NRXN3: variants seen among roughly 807,000 people sequenced by gnomAD.
NRXN3 encodes neurexin III.
In NRXN3, 32 loss-of-function variants were observed where a neutral mutation model predicts 137.6. The ratio of observed to expected loss-of-function variants is 0.23; its 90% CI spans 0.18 to 0.31. NRXN3 has a LOEUF of 0.31. Among genes scored for constraint, NRXN3 ranks in the 10% least tolerant of loss-of-function variants. The pLI, the probability that NRXN3 is intolerant of heterozygous loss-of-function variation, is 1.00. For missense variants in NRXN3, 1,574 were observed against 2,062.5 expected, an observed-to-expected ratio of 0.76 and a Z score of 4.59; for synonymous variants, 798 against 784.5, an observed-to-expected ratio of 1.02 and a Z score of -0.29.
chr14:78,778,513 A>G (rs1361807420), intron 8 of NRXN3, among the ~76,000 whole-genome samples: 2 of 152,182 alleles, frequency 1.3e-5, no homozygotes, highest in Non-Finnish European at 2.9e-5. Flanking sequence ...CTTTCTTCCT[A>G]AAGCAGATCT....
chr14:79,668,168 A>G (rs886893612), intron 17 of NRXN3, among the ~76,000 whole-genome samples: 4 of 152,078 alleles, frequency 2.6e-5, no homozygotes, highest in African/African-American at 7.2e-5. Flanking sequence ...AGAACGTGAA[A>G]AAGAGGTAAA....
At chr14:79,321,633 A>T (rs1253043962) in intron 15 of NRXN3, among the ~76,000 whole-genome samples, 3 of 151,786 alleles carry the variant, frequency 2.0e-5, no homozygotes, top group East Asian at 1.9e-4. Flanking sequence ...TTATATGTAA[A>T]TTATACATAC....
At chr14:78,419,706 T>C (rs2093338749) in intron 4 of NRXN3, among the ~76,000 whole-genome samples, 2 of 152,026 alleles carry the variant, frequency 1.3e-5, no homozygotes, top group Admixed American at 6.6e-5. Flanking sequence ...TGAAAAACAG[T>C]AGTGGTAATG....
chr14:79,259,581 CTATATATAGAGTTATATA>C lies in NRXN3; in HGVS notation c.3263-207633_3263-207616del, dbSNP rs2077264290. On this transcript the variant is annotated intron_variant, in intron 15 of 20. Coordinates refer to ENST00000335750, the MANE Select transcript of NRXN3 (RefSeq NM_001330195.2). ...TGTATATATAGTTATCTATATATAGCTATATATAGAGTTATATATATATAGCTATATATATGGTTATCT... is the reference window on the plus strand; with the variant it reads ...TGTATATATAGTTATCTATATATAGCTATATAGCTATATATATGGTTATCT... Among the ~76,000 whole-genome samples, 7 of 145,844 alleles carry C rather than the reference CTATATATAGAGTTATATA, an allele frequency of 4.8e-5. No individual in the cohort carries two copies. In the South Asian group the frequency reaches 8.6e-4, roughly 18 times the overall value.
intron 15 of NRXN3, among the ~76,000 whole-genome samples, chr14:79,301,339 G>A (rs1302271225): frequency 6.6e-6 from 1 of 152,022 alleles, no homozygotes; most frequent in Non-Finnish European, 1.5e-5. Flanking sequence ...GGAAAGGAAG[G>A]AAGAGGAGAA....
At chr14:79,807,320 T>C (rs533447745) in intron 20 of NRXN3, among the ~76,000 whole-genome samples, 1 of 152,192 alleles carries the variant, frequency 6.6e-6, no homozygotes, top group East Asian at 1.9e-4. Context: ...TTATCAAAAT[T>C]GAGGCTTGGT....
chr14:79,151,023 C>A (rs1315661830), intron 15 of NRXN3, among the ~76,000 whole-genome samples: 1 of 152,030 alleles, frequency 6.6e-6, no homozygotes, highest in Non-Finnish European at 1.5e-5. Context: ...TTCTGAAAGT[C>A]CTTTTGTTTA....
At chr14:78,526,742 G>A (rs1416324672) in intron 4 of NRXN3, 2 of 517,676 alleles carry the variant, frequency 3.9e-6, no homozygotes, top group African/African-American at 1.9e-5. Context: ...GAGGTAGGTA[G>A]GGATGATGAC....
At chr14:78,772,242 T>G (rs1213941870) in intron 8 of NRXN3, among the ~76,000 whole-genome samples, 1 of 152,072 alleles carries the variant, frequency 6.6e-6, no homozygotes, top group Non-Finnish European at 1.5e-5. Flanking sequence ...TCAATGAAAA[T>G]GTATGTAAAT....
In NRXN3 at chr14:78,331,430, A is replaced by G. The variant is rs543890799; in HGVS notation, c.757+33570A>G. 7.2e-5 allele frequency among the ~76,000 whole-genome samples: 11 copies of G among 152,222 alleles called. No homozygotes were observed. The South Asian group carries it at 2.1e-3, about 29-fold the overall frequency. Reference sequence around the variant, plus strand: ...GGATGGAGAAAAGACATGAGATGAAAAGACTAGTTTGAAAATGTTCCAAGA... The same window carrying G: ...GGATGGAGAAAAGACATGAGATGAAGAGACTAGTTTGAAAATGTTCCAAGA... On this transcript the variant is annotated intron_variant, in intron 4 of 20. Coordinates refer to ENST00000335750, the MANE Select transcript of NRXN3 (RefSeq NM_001330195.2).
intron 1 of NRXN3, among the ~76,000 whole-genome samples, chr14:78,208,542 G>A (rs1051688200): frequency 1.3e-5 from 2 of 152,138 alleles, no homozygotes; most frequent in African/African-American, 4.8e-5. Context: ...CCCTATACCA[G>A]TGGACACAGA....
In NRXN3 at chr14:79,663,785, G is replaced by A; in HGVS notation, c.3452G>A (p.Gly1151Glu). 6.2e-7 allele frequency: 1 copy of A among 1,612,554 alleles called. No individual in the cohort carries two copies. The highest frequency in any genetic ancestry group is 1.7e-4 in the Middle Eastern group (1 of 6,042). ...TGTGTTTCTTTATTATAGGAACAGG[G>A]GAAAATTGGAGTTGTCTTCAACATT... ...GDFLQLHIEQGKIGVVFNIGT... is the reference protein window; with the variant it reads ...GDFLQLHIEQEKIGVVFNIGT... Residue 1151 changes from glycine to glutamate, a missense_variant, in exon 17 of 21, where the codon GGG (glycine) becomes GAG (glutamate). Gly to Glu is a moderately conservative substitution (Grantham distance 98, BLOSUM62 -2). Transcript: ENST00000335750.
intron 15 of NRXN3, among the ~76,000 whole-genome samples, chr14:79,274,179 C>T (rs1172525915): frequency 6.6e-6 from 1 of 151,464 alleles, no homozygotes; most frequent in Non-Finnish European, 1.5e-5. Context: ...GGATTTGAAC[C>T]TAGGCCGTGG....
At chr14:79,819,071 G>C (rs531714303) in intron 20 of NRXN3, among the ~76,000 whole-genome samples, 1 of 152,306 alleles carries the variant, frequency 6.6e-6, no homozygotes, top group Non-Finnish European at 1.5e-5. Flanking sequence ...TGGCAATACT[G>C]TATTGCCCAG....
intron 4 of NRXN3, among the ~76,000 whole-genome samples, chr14:78,600,544 C>T (rs751053164): frequency 3.3e-5 from 5 of 152,224 alleles, no homozygotes; most frequent in Non-Finnish European, 7.3e-5. Flanking sequence ...TCTTCATTCA[C>T]CTTTAATGAT....
intron 19 of NRXN3, among the ~76,000 whole-genome samples, chr14:79,716,748 T>C (rs554728166): frequency 9.2e-5 from 14 of 152,298 alleles, no homozygotes; most frequent in Non-Finnish European, 1.6e-4. Flanking sequence ...CTTGAGTTCT[T>C]CCCACTCTTA....
intron 4 of NRXN3, among the ~76,000 whole-genome samples, chr14:78,393,357 A>T (rs1162171886): frequency 6.6e-6 from 1 of 152,082 alleles, no homozygotes; most frequent in Non-Finnish European, 1.5e-5. Context: ...ATTGACGCTG[A>T]TATCATCAAG....
intron 1 of NRXN3, among the ~76,000 whole-genome samples, chr14:78,203,461 T>C (rs1458556462): frequency 6.6e-6 from 1 of 152,176 alleles, no homozygotes; most frequent in African/African-American, 2.4e-5. Context: ...GCTGCTCGGC[T>C]CAGTTTCAAA....
At chr14:78,595,381 A>G (rs2097150382) in intron 4 of NRXN3, among the ~76,000 whole-genome samples, 1 of 152,198 alleles carries the variant, frequency 6.6e-6, no homozygotes, top group South Asian at 2.1e-4. Flanking sequence ...TCATTGAGCT[A>G]GTACAGTCCT....
Sources: gnomAD v4.1 joint callset for allele counts (sites outside exome capture counted in the v4.1 genomes callset) on GRCh38, gnomAD v4.1.1 for gene constraint, MANE v1.5 for transcripts, NCBI Gene and HGNC (gene_info 2026-07-23, HGNC 2026-07-21) for gene names.